The following TOP1 variants were observed in gnomAD, a reference collection of about 807,000 sequenced individuals.
TOP1 encodes the protein DNA topoisomerase 1.
TOP1 carries 10 observed loss-of-function variants against 111.1 expected under a neutral mutation model. The ratio of observed to expected loss-of-function variants is 0.09; its 90% CI spans 0.06 to 0.15. TOP1 has a LOEUF of 0.15. Among genes scored for constraint, TOP1 ranks in the 10% least tolerant of loss-of-function variants. The pLI is 1.00. For synonymous variants in TOP1, 271 were observed against 302.9 expected (o/e 0.89, Z 1.10); for missense variants, 474 against 926.7 (o/e 0.51, Z 6.34).
chr20:41,035,957 G>T (rs981653457), intron 2 of TOP1, among the ~76,000 whole-genome samples: 11 of 152,096 alleles, frequency 7.2e-5, no homozygotes, highest in African/African-American at 2.4e-4. Flanking sequence ...TTGTTTCCTT[G>T]TAGTTGACTA....
Position 41,101,077 on chromosome 20 carries a change from G to T in TOP1, c.1164-132G>T. Reference sequence around the variant, plus strand: ...GGGTAAGTAAAACCATGCATAAGGTGGGACTACTGTATTGACTGTTAAGAA... The same window carrying T: ...GGGTAAGTAAAACCATGCATAAGGTTGGACTACTGTATTGACTGTTAAGAA... On this transcript the variant is annotated intron_variant, in intron 12 of 20. Coordinates refer to ENST00000361337, the MANE Select transcript of TOP1 (RefSeq NM_003286.4). The surrounding 1 kb of genome is among the most constrained non-coding windows in gnomAD (Gnocchi z 4.1). 1.2e-6 allele frequency: 1 copy of T among 807,414 alleles called. No homozygotes were observed. Among genetic ancestry groups the T allele is most frequent in the East Asian group, 2.5e-5 (1 of 39,850 alleles). 50.0% of individuals were successfully genotyped at this position (807,414 alleles called of 1,614,324 possible).
chr20:41,061,064 A>G lies in TOP1; in HGVS notation c.59-330A>G, dbSNP rs575648152. 2.0e-5 allele frequency among the ~76,000 whole-genome samples: 3 copies of G among 152,330 alleles called. No individual in the cohort carries two copies. Among genetic ancestry groups the G allele is most frequent in the African/African-American group, 7.2e-5 (3 of 41,590 alleles). On this transcript the variant is annotated intron_variant, in intron 2 of 20. Coordinates refer to ENST00000361337, the MANE Select transcript of TOP1 (RefSeq NM_003286.4). This position sits in a 1 kb window ranked among gnomAD's most constrained non-coding sequence, Gnocchi z 4.6. ...CATCTGATCTTTAGAGTCAGTGTTC[A>G]ATACTATCCCTTTGTTATCATTTAT...
rs781222477 is a variant in TOP1 at position 41,080,068 on chromosome 20, AT to A, written c.336-9del. On this transcript the variant is annotated splice_polypyrimidine_tract_variant and intron_variant, in intron 5 of 20. Transcript: ENST00000361337. The surrounding 1 kb of genome is among the most constrained non-coding windows in gnomAD (Gnocchi z 5.0). ...AGATGTTCTAGCACTCTGACCAGCA[AT>A]TTTTTTTCTCTTTAGTCCACCACAA... The A allele has an allele frequency of 4.1e-5, 63 of 1,535,860 alleles. No individual in the cohort carries two copies. The highest frequency in any genetic ancestry group is 1.8e-4 in the African/African-American group (13 of 73,046).
rs1395424509 is a variant in TOP1, at chr20:41,029,653, C to T, written c.58+198C>T. The T allele has an allele frequency of 1.5e-6, 1 of 670,634 alleles. No homozygotes were observed. Among genetic ancestry groups the T allele is most frequent in the Non-Finnish European group, 2.7e-6 (1 of 369,458 alleles). 41.5% of individuals were successfully genotyped at this position (670,634 alleles called of 1,614,324 possible). A position where few individuals can be genotyped will look rare whatever the true frequency, so the allele number is the denominator to read the frequency against. On this transcript the variant is annotated intron_variant, in intron 2 of 20. Transcript: ENST00000361337. This position sits in a 1 kb window ranked among gnomAD's most constrained non-coding sequence, Gnocchi z 6.1. ...ACCCCAGCTCCTCCAGATCCCGGCC[C>T]TCCCAAGAGGGGACAACGGAGACCC...
At position 41,097,876 on chromosome 20, in the gene TOP1, T is replaced by G. The variant is rs866652205; in HGVS notation, c.853-339T>G. Among the ~76,000 whole-genome samples, 1 of 152,166 alleles carries G rather than the reference T, an allele frequency of 6.6e-6. No homozygotes were observed. The highest frequency in any genetic ancestry group is 1.5e-5 in the Non-Finnish European group (1 of 68,026). ...AAGCAGACTTAATAAATGAATAGAA[T>G]AGGGGTAATGTTTCCAAGAGAGAAT... is the stretch of plus-strand genomic sequence containing the variant. On this transcript the variant is annotated intron_variant, in intron 10 of 20. Transcript: ENST00000361337. The surrounding 1 kb of genome is among the most constrained non-coding windows in gnomAD (Gnocchi z 4.2).
intron 3 of TOP1, chr20:41,072,525 C>G: frequency 2.0e-6 from 2 of 985,434 alleles, no homozygotes; most frequent in African/African-American, 3.5e-5. Context: ...TCTGACTTTC[C>G]TGGCACAGCC....
chr20:41,068,551 C>A (rs567466837), intron 3 of TOP1, among the ~76,000 whole-genome samples: 2 of 152,130 alleles, frequency 1.3e-5, no homozygotes, highest in African/African-American at 4.8e-5. Flanking sequence ...TAGGCATGCA[C>A]CACCATGCTT....
At chr20:41,060,849 T>C (rs2033536002) in intron 2 of TOP1, among the ~76,000 whole-genome samples, 1 of 152,240 alleles carries the variant, frequency 6.6e-6, no homozygotes, top group Non-Finnish European at 1.5e-5. Context: ...GGGGGATTTG[T>C]ATTTTTTTGG....
intron 13 of TOP1, among the ~76,000 whole-genome samples, chr20:41,104,621 A>C (rs2034117155): frequency 6.6e-6 from 1 of 152,242 alleles, no homozygotes; most frequent in Non-Finnish European, 1.5e-5. Flanking sequence ...CTGGATGATG[A>C]TCATGGTAGT....
At chr20:41,074,605 T>C (rs1469084188) in intron 3 of TOP1, among the ~76,000 whole-genome samples, 1 of 152,050 alleles carries the variant, frequency 6.6e-6, no homozygotes, top group Non-Finnish European at 1.5e-5. Flanking sequence ...CAAGTACCTA[T>C]CTCAAGTTGT....
chr20:41,103,560 GC>G (rs1242853589), intron 13 of TOP1, among the ~76,000 whole-genome samples: 1 of 152,150 alleles, frequency 6.6e-6, no homozygotes, highest in Non-Finnish European at 1.5e-5. Flanking sequence ...AGTACAGGGT[GC>G]CATCTGAGAG....
rs1600575275 is a variant in TOP1, at chr20:41,077,643, A to G, written c.335+6A>G. The stretch of plus-strand genomic sequence containing the variant: ...AAGGAAAATGGCTTCTCTAGGTAAG[A>G]CTTTGCTGCTGCGTGGGCTTCCCTT... On this transcript the variant is annotated splice_donor_region_variant and intron_variant, in intron 5 of 20. Transcript: ENST00000361337. 2 of 1,613,788 alleles carry G rather than the reference A, an allele frequency of 1.2e-6. No individual in the cohort carries two copies. Among genetic ancestry groups the G allele is most frequent in the Admixed American group, 3.3e-5 (2 of 60,020 alleles).
In TOP1 at chr20:41,094,685, T is replaced by C. The variant is rs751300667; in HGVS notation, c.730+2098T>C. The stretch of plus-strand genomic sequence containing the variant: ...TCTGCAGTAAGTCAAGAAGTCATAT[T>C]TGACTTTACTTCAAACTGATACAGT... On this transcript the variant is annotated intron_variant, in intron 9 of 20. Coordinates refer to ENST00000361337, the MANE Select transcript of TOP1 (RefSeq NM_003286.4). This position sits in a 1 kb window ranked among gnomAD's most constrained non-coding sequence, Gnocchi z 4.4. Among the ~76,000 whole-genome samples the C allele has an allele frequency of 1.3e-4, 20 of 152,216 alleles. No individual in the cohort carries two copies. The highest frequency in any genetic ancestry group is 2.8e-4 in the Non-Finnish European group (19 of 68,038).
rs1456072379 is a variant in TOP1 at position 41,071,345 on chromosome 20, T to C, written c.156-4826T>C. The stretch of plus-strand genomic sequence containing the variant: ...GTAAGTTATTTTTTTCTTTCCTTTT[T>C]TTAAATTTTTTTTTTTTTGAGATGG... On this transcript the variant is annotated intron_variant, in intron 3 of 20. Coordinates refer to ENST00000361337, the MANE Select transcript of TOP1 (RefSeq NM_003286.4). This position sits in a 1 kb window ranked among gnomAD's most constrained non-coding sequence, Gnocchi z 4.3. Among the ~76,000 whole-genome samples the C allele has an allele frequency of 6.6e-6, 1 of 152,060 alleles. No individual in the cohort carries two copies. Among genetic ancestry groups the C allele is most frequent in the Non-Finnish European group, 1.5e-5 (1 of 68,020 alleles).
rs2033106685 is a variant in TOP1, at chr20:41,030,544, C to A, written c.58+1089C>A. ...AGCCAAATCAAGGCATTTATTCTTA[C>A]TGTATTTCCACTTCAGTTACCCAGG... is the stretch of plus-strand genomic sequence containing the variant. On this transcript the variant is annotated intron_variant, in intron 2 of 20. Transcript: ENST00000361337. The surrounding 1 kb of genome is among the most constrained non-coding windows in gnomAD (Gnocchi z 4.1). Among the ~76,000 whole-genome samples, 1 of 151,062 alleles carries A rather than the reference C, an allele frequency of 6.6e-6. No homozygotes were observed. Among genetic ancestry groups the A allele is most frequent in the African/African-American group, 2.4e-5 (1 of 41,042 alleles).
At position 41,102,984 on chromosome 20, in the gene TOP1, G is replaced by A. The variant is rs2034088224; in HGVS notation, c.1308+1631G>A. Among the ~76,000 whole-genome samples the A allele has an allele frequency of 6.6e-6, 1 of 152,148 alleles. No homozygotes were observed. The highest frequency in any genetic ancestry group is 1.5e-5 in the Non-Finnish European group (1 of 68,030). On this transcript the variant is annotated intron_variant, in intron 13 of 20. Coordinates refer to ENST00000361337, the MANE Select transcript of TOP1 (RefSeq NM_003286.4). This position sits in a 1 kb window ranked among gnomAD's most constrained non-coding sequence, Gnocchi z 4.0. ...AGTATTTCAAACAAGAGAGAACTGT[G>A]TCGTGGACAAAGGGGAGGGTGGTAA...
At chr20:41,053,499 T>TGC (rs1382050435) in intron 2 of TOP1, among the ~76,000 whole-genome samples, 2 of 152,222 alleles carry the variant, frequency 1.3e-5, no homozygotes, top group African/African-American at 4.8e-5. Context: ...GCAATCTTAC[T>TGC]GCCTTACTGC....
rs1048107952 is a variant in TOP1 at position 41,109,477 on chromosome 20, T to TA, written c.1309-3300dup. ...TTGACTAAATGGACTTCATTAAAATTAAAAATTTATGTTCAACAAAAGACA... is the reference window on the plus strand; with the variant it reads ...TTGACTAAATGGACTTCATTAAAATTAAAAAATTTATGTTCAACAAAAGACA... On this transcript the variant is annotated intron_variant, in intron 13 of 20. Coordinates refer to ENST00000361337, the MANE Select transcript of TOP1 (RefSeq NM_003286.4). This position sits in a 1 kb window ranked among gnomAD's most constrained non-coding sequence, Gnocchi z 4.1. 6.3e-4 allele frequency among the ~76,000 whole-genome samples: 96 copies of TA among 152,208 alleles called. 1 individual carries two copies. Among genetic ancestry groups the TA allele is most frequent in the African/African-American group, 2.2e-3 (91 of 41,540 alleles).
chr20:41,100,547 A>G lies in TOP1; in HGVS notation c.1163+304A>G, dbSNP rs2034047013. On this transcript the variant is annotated intron_variant, in intron 12 of 20. Coordinates refer to ENST00000361337, the MANE Select transcript of TOP1 (RefSeq NM_003286.4). The surrounding 1 kb of genome is among the most constrained non-coding windows in gnomAD (Gnocchi z 4.4). ...AATGTCTTTTCCATGTTTATTAAGT[A>G]CTTATCACATAGAGTGGCTATAACT... is the stretch of plus-strand genomic sequence containing the variant. The G allele has an allele frequency of 3.7e-6, 1 of 267,778 alleles. No homozygotes were observed. Among genetic ancestry groups the G allele is most frequent in the Admixed American group, 4.9e-5 (1 of 20,560 alleles). The allele number at this position is 267,778 out of a possible 1,614,324, so 16.6% of individuals were successfully genotyped here.
Sources: allele counts gnomAD v4.1 joint callset (sites outside exome capture counted in the v4.1 genomes callset), GRCh38; gene constraint gnomAD v4.1.1; non-coding constraint Gnocchi (gnomAD v3.1); transcripts MANE v1.5; gene names NCBI Gene and HGNC (gene_info 2026-07-23, HGNC 2026-07-21).